Variants in SH3GL2 observed in about 807,000 individuals in gnomAD.
The protein encoded by SH3GL2 is endophilin-A1.
A neutral mutation model predicts 46.0 loss-of-function variants in SH3GL2; 24 were observed. The observed-to-expected ratio is 0.52, with a 90% confidence interval of 0.38 to 0.73. SH3GL2 has a LOEUF of 0.73. Among genes scored for constraint, SH3GL2 ranks in the 30% least tolerant of loss-of-function variants. SH3GL2 has a pLI of 0.00. For synonymous variants in SH3GL2, 196 were observed against 147.1 expected, an observed-to-expected ratio of 1.33 and a Z score of -2.40; for missense variants, 413 against 424.2, an observed-to-expected ratio of 0.97 and a Z score of 0.23.
intron 3 of SH3GL2, among the ~76,000 whole-genome samples, chr9:17,778,154 A>T (rs925687533): frequency 6.6e-6 from 1 of 152,176 alleles, no homozygotes; most frequent in Non-Finnish European, 1.5e-5. Context: ...GATACTCTAA[A>T]ACATCATTTG....
chr9:17,757,971 G>T (rs965519231), intron 2 of SH3GL2, among the ~76,000 whole-genome samples: 1 of 152,094 alleles, frequency 6.6e-6, no homozygotes, highest in Non-Finnish European at 1.5e-5. Context: ...AAGAGTCCTG[G>T]GCATTATTAT....
chr9:17,683,105 C>T (rs1331633290), intron 1 of SH3GL2, among the ~76,000 whole-genome samples: 1 of 152,058 alleles, frequency 6.6e-6, no homozygotes, highest in Non-Finnish European at 1.5e-5. Context: ...AAGACATTTG[C>T]TTAACTGGAG....
chr9:17,717,214 A>G (rs953281066), intron 1 of SH3GL2, among the ~76,000 whole-genome samples: 2 of 152,130 alleles, frequency 1.3e-5, no homozygotes, highest in African/African-American at 4.8e-5. Context: ...AGTGCCGCAT[A>G]AATCGCTTTC....
chr9:17,778,182 C>G (rs779433900), intron 3 of SH3GL2, among the ~76,000 whole-genome samples: 2 of 152,122 alleles, frequency 1.3e-5, no homozygotes, highest in Non-Finnish European at 2.9e-5. Context: ...CACAATAAAC[C>G]CAGCAAGGTA....
chr9:17,704,328 A>T (rs1243258778), intron 1 of SH3GL2, among the ~76,000 whole-genome samples: 1 of 152,144 alleles, frequency 6.6e-6, no homozygotes, highest in African/African-American at 2.4e-5. Context: ...ATGCTCACAG[A>T]TAGGAAGAAT....
At position 17,610,246 on chromosome 9, in the gene SH3GL2, C is replaced by T. The variant is rs994615195; in HGVS notation, c.45+30959C>T. 1.3e-5 allele frequency among the ~76,000 whole-genome samples: 2 copies of T among 152,184 alleles called. 1 individual carries two copies. The highest frequency in any genetic ancestry group is 3.9e-4 in the East Asian group (2 of 5,186). On this transcript the variant is annotated intron_variant, in intron 1 of 8. Coordinates refer to ENST00000380607, the MANE Select transcript of SH3GL2 (RefSeq NM_003026.5). The stretch of plus-strand genomic sequence containing the variant: ...AGTAAGTGATAGCTTCCTTTCTTTT[C>T]CTCATTTTAATCAATTACCCAGTTG...
chr9:17,712,003 C>G (rs1821637597), intron 1 of SH3GL2, among the ~76,000 whole-genome samples: 1 of 151,782 alleles, frequency 6.6e-6, no homozygotes, highest in Non-Finnish European at 1.5e-5. Flanking sequence ...GTTTTTTCCA[C>G]TCTGATAGGT....
At chr9:17,687,125 A>G (rs1009965397) in intron 1 of SH3GL2, among the ~76,000 whole-genome samples, 8 of 152,128 alleles carry the variant, frequency 5.3e-5, no homozygotes, top group East Asian at 3.9e-4. Context: ...GCATTAAAAA[A>G]TTCTAAGCCT....
At chr9:17,669,579 G>A (rs1820423200) in intron 1 of SH3GL2, among the ~76,000 whole-genome samples, 1 of 152,156 alleles carries the variant, frequency 6.6e-6, no homozygotes, top group Non-Finnish European at 1.5e-5. Context: ...GTTTCTTGGA[G>A]ATTTACTCAA....
intron 1 of SH3GL2, among the ~76,000 whole-genome samples, chr9:17,652,019 A>T (rs1369943727): frequency 6.6e-6 from 1 of 152,140 alleles, no homozygotes; most frequent in African/African-American, 2.4e-5. Context: ...TTCATTAATC[A>T]GTCTGAGTGA....
intron 1 of SH3GL2, among the ~76,000 whole-genome samples, chr9:17,644,894 C>T (rs901710951): frequency 4.0e-5 from 6 of 151,308 alleles, no homozygotes; most frequent in African/African-American, 1.5e-4. Context: ...TTTTCTGTCT[C>T]GTTGATCTGT....
At chr9:17,648,332 A>G (rs1025073601) in intron 1 of SH3GL2, among the ~76,000 whole-genome samples, 1 of 152,218 alleles carries the variant, frequency 6.6e-6, no homozygotes, top group Non-Finnish European at 1.5e-5. Context: ...CTGTACAAAG[A>G]TGAGATTAAC....
chr9:17,631,709 C>T (rs1249725717), intron 1 of SH3GL2, among the ~76,000 whole-genome samples: 1 of 152,106 alleles, frequency 6.6e-6, no homozygotes, highest in Non-Finnish European at 1.5e-5. Flanking sequence ...CCTTTATTCT[C>T]CCCACATCCC....
intron 1 of SH3GL2, among the ~76,000 whole-genome samples, chr9:17,649,086 G>A (rs1438689236): frequency 6.6e-6 from 1 of 152,088 alleles, no homozygotes; most frequent in African/African-American, 2.4e-5. Flanking sequence ...TTAATCGTAA[G>A]GTTCTCTAGT....
intron 1 of SH3GL2, among the ~76,000 whole-genome samples, chr9:17,618,577 T>C (rs1819058980): frequency 6.6e-6 from 1 of 152,208 alleles, no homozygotes; most frequent in East Asian, 1.9e-4. Context: ...AAGGTATTTA[T>C]AGTCTTTATT....
At chr9:17,646,470 T>G (rs2134655816) in intron 1 of SH3GL2, among the ~76,000 whole-genome samples, 1 of 152,254 alleles carries the variant, frequency 6.6e-6, no homozygotes, top group African/African-American at 2.4e-5. Context: ...GTTTTTGGAC[T>G]TTTCAGCCTT....
At chr9:17,756,633 C>T (rs201804165) in intron 2 of SH3GL2, among the ~76,000 whole-genome samples, 3 of 151,824 alleles carry the variant, frequency 2.0e-5, no homozygotes, top group African/African-American at 2.4e-5. Context: ...GCTTCATCCA[C>T]GTCCCTACAA....
rs1398641652 is a variant in SH3GL2, at chr9:17,786,532, G to A, written c.331+8G>A. On this transcript the variant is annotated splice_region_variant and intron_variant, in intron 4 of 8. Transcript: ENST00000380607. ...GAGATGATTGCAACTTTGGTAACAA[G>A]TGCTTCCTCACATTGTAATTCTTTC... 1 of 1,612,540 alleles carries A rather than the reference G, an allele frequency of 6.2e-7. No individual in the cohort carries two copies. The highest frequency in any genetic ancestry group is 8.5e-7 in the Non-Finnish European group (1 of 1,178,920).
intron 1 of SH3GL2, among the ~76,000 whole-genome samples, chr9:17,664,710 T>C (rs916978243): frequency 6.6e-6 from 1 of 151,398 alleles, no homozygotes; most frequent in African/African-American, 2.4e-5. Context: ...TATAGAAATA[T>C]ATAATCATAT....
Sources: allele counts gnomAD v4.1 joint callset (sites outside exome capture counted in the v4.1 genomes callset), GRCh38; gene constraint gnomAD v4.1.1; transcripts MANE v1.5; gene names NCBI Gene and HGNC (gene_info 2026-07-23, HGNC 2026-07-21).